Variants in VPS16 observed in about 807,000 individuals in gnomAD.
The protein encoded by VPS16 is VPS16 core subunit of CORVET and HOPS complexes.
A neutral mutation model predicts 116.0 loss-of-function variants in VPS16; 82 were observed. That is an observed-to-expected ratio of 0.71 (90% CI 0.59 to 0.85). VPS16 has a LOEUF of 0.85. Among genes scored for constraint, VPS16 ranks in the 40% least tolerant of loss-of-function variants. The pLI is 0.00. For missense variants in VPS16, 928 were observed against 1,090.6 expected, an observed-to-expected ratio of 0.85 and a Z score of 2.10; for synonymous variants, 406 against 420.7, an observed-to-expected ratio of 0.96 and a Z score of 0.43.
In VPS16 at chr20:2,863,481, C is replaced by T. The variant is rs1221180245; in HGVS notation, c.1476+83C>T. ...GGAGGAAATAGAAAGTGTAGAACTG[C>T]GCTGGGCACGGTGGCTCATGCCTGT... On this transcript the variant is annotated intron_variant, in intron 15 of 23. Coordinates refer to ENST00000380445, the MANE Select transcript of VPS16 (RefSeq NM_022575.4). This position sits in a 1 kb window ranked among gnomAD's most constrained non-coding sequence, Gnocchi z 4.4. 13 of 1,394,840 alleles carry T rather than the reference C, an allele frequency of 9.3e-6. No individual in the cohort carries two copies. The African/African-American group carries it at 9.9e-5, about 11-fold the overall frequency. The allele number at this position is 1,394,840 out of a possible 1,614,324, so 86.4% of individuals were successfully genotyped here. A position where few individuals can be genotyped will look rare whatever the true frequency, so the allele number is the denominator to read the frequency against.
intron 1 of VPS16, among the ~76,000 whole-genome samples, chr20:2,851,896 G>T (rs149416688): frequency 6.6e-6 from 1 of 152,150 alleles, no homozygotes; most frequent in African/African-American, 2.4e-5. Flanking sequence ...GCGTGAAGTC[G>T]GGAGGCGGAG....
intron 1 of VPS16, among the ~76,000 whole-genome samples, chr20:2,842,758 ATC>A (rs1356974433): frequency 1.2e-4 from 18 of 148,732 alleles, no homozygotes; most frequent in African/African-American, 4.3e-4. Flanking sequence ...AGATGTATCT[ATC>A]TATAGATAGA....
intron 1 of VPS16, among the ~76,000 whole-genome samples, chr20:2,853,141 A>T (rs1011630985): frequency 6.6e-6 from 1 of 152,220 alleles, no homozygotes; most frequent in Admixed American, 6.6e-5. Flanking sequence ...TTGTAGTCCC[A>T]GCACTTTAGG....
chr20:2,844,290 A>T (rs997925835), intron 1 of VPS16, among the ~76,000 whole-genome samples: 1 of 152,254 alleles, frequency 6.6e-6, no homozygotes, highest in Non-Finnish European at 1.5e-5. Flanking sequence ...TGAATGAATG[A>T]TAAAACAGGT....
intron 1 of VPS16, among the ~76,000 whole-genome samples, chr20:2,848,596 T>A (rs2089085560): frequency 2.0e-5 from 3 of 152,230 alleles, no homozygotes; most frequent in Admixed American, 2.0e-4. Flanking sequence ...CAATTGGTGC[T>A]ATAACCAAGT....
intron 1 of VPS16, among the ~76,000 whole-genome samples, chr20:2,855,874 T>C (rs1169900346): frequency 6.6e-6 from 1 of 152,210 alleles, no homozygotes; most frequent in Non-Finnish European, 1.5e-5. Context: ...AATGTTGTGA[T>C]CTTATACATA....
chr20:2,854,265 A>ACACACACACAC (rs375390884), intron 1 of VPS16, among the ~76,000 whole-genome samples: 7 of 148,890 alleles, frequency 4.7e-5, no homozygotes, highest in Non-Finnish European at 7.4e-5. Context: ...ACACACACAC[A>ACACACACACAC]AATTTTTTAG....
chr20:2,853,277 G>A (rs1224087352), intron 1 of VPS16, among the ~76,000 whole-genome samples: 1 of 152,100 alleles, frequency 6.6e-6, no homozygotes, highest in African/African-American at 2.4e-5. Flanking sequence ...TGTAATCCCA[G>A]CTACAGGAAG....
chr20:2,859,719 G>A lies in VPS16; in HGVS notation c.54G>A (p.Arg18=). ...TTTCTGCTCATCTCTGTGTGGGCAG[G>A]AAATATGAGCTGTACAGCATGGACT... is the stretch of plus-strand genomic sequence containing the variant. ...WNPLGDSAFY[R]KYELYSMDWD... Residue 18 remains arginine, a splice_region_variant and synonymous_variant, in exon 2 of 24, where the codon CGG becomes CGA. Coordinates refer to ENST00000380445, the MANE Select transcript of VPS16 (RefSeq NM_022575.4). 2 of 1,613,518 alleles carry A rather than the reference G, an allele frequency of 1.2e-6. No individual in the cohort carries two copies. The highest frequency in any genetic ancestry group is 2.2e-5 in the South Asian group (2 of 91,004).
At chr20:2,859,427 A>G (rs1229673006) in intron 1 of VPS16, among the ~76,000 whole-genome samples, 1 of 152,212 alleles carries the variant, frequency 6.6e-6, no homozygotes, top group African/African-American at 2.4e-5. Context: ...GATGTTGGCC[A>G]CGCAGCCTGC....
Position 2,842,844 on chromosome 20 carries a change from C to CGATA in VPS16, c.53+2025_53+2028dup, listed in dbSNP as rs11473958. On this transcript the variant is annotated intron_variant, in intron 1 of 23. Coordinates refer to ENST00000380445, the MANE Select transcript of VPS16 (RefSeq NM_022575.4). ...TAGATAGACATATAGATGTATCTAT[C>CGATA]GATAGATAGATGTATCTATCGATAG... 8.6e-3 allele frequency among the ~76,000 whole-genome samples: 174 copies of CGATA among 20,196 alleles called. 19 individuals carry two copies. Among genetic ancestry groups the CGATA allele is most frequent in the African/African-American group, 0.029 (82 of 2,792 alleles). The allele number at this position is 20,196 out of a possible 152,430, so 13.2% of individuals were successfully genotyped here.
intron 1 of VPS16, among the ~76,000 whole-genome samples, chr20:2,853,292 G>A (rs2089139427): frequency 6.6e-6 from 1 of 152,100 alleles, no homozygotes; most frequent in African/African-American, 2.4e-5. Context: ...AGGAAGCCTA[G>A]GCAGGAGAAT....
In VPS16 at chr20:2,863,362, C is replaced by A. The variant is rs770136462; in HGVS notation, c.1440C>A (p.Gly480=). The A allele has an allele frequency of 6.2e-7, 1 of 1,614,192 alleles. No homozygotes were observed. The highest frequency in any genetic ancestry group is 8.5e-7 in the Non-Finnish European group (1 of 1,180,016). ...ACTTGCGCCTTCCTGAAGTACAGGG[C>A]GTCAGCAGGATCCTGGCCCACTGGG... ...CEYLRLPEVQ[G]VSRILAHWAC... is the part of the protein sequence containing the mutation. The change falls in exon 15 of 24, where the codon GGC becomes GGA. Residue 480 remains glycine, a synonymous_variant. Coordinates refer to ENST00000380445, the MANE Select transcript of VPS16 (RefSeq NM_022575.4). This position sits in a 1 kb window ranked among gnomAD's most constrained non-coding sequence, Gnocchi z 4.4.
chr20:2,842,493 G>T (rs1295273350), intron 1 of VPS16, among the ~76,000 whole-genome samples: 1 of 151,770 alleles, frequency 6.6e-6, no homozygotes, highest in Non-Finnish European at 1.5e-5. Flanking sequence ...TGTAATCCCA[G>T]CTACTTGGGA....
chr20:2,841,166 G>A, intron 1 of VPS16: 1 of 361,716 alleles, frequency 2.8e-6, no homozygotes, highest in Non-Finnish European at 5.1e-6. Context: ...TCAGACCACA[G>A]GGGCGCTCCG....
At chr20:2,841,040 G>A (rs2088965223) in intron 1 of VPS16, 1 of 577,826 alleles carries the variant, frequency 1.7e-6, no homozygotes, top group African/African-American at 1.9e-5. Flanking sequence ...CAAGCACAGT[G>A]GTCACCCCGA....
chr20:2,863,411 G>GA lies in VPS16; in HGVS notation c.1476+14dup. The GA allele has an allele frequency of 6.2e-7, 1 of 1,613,356 alleles. No homozygotes were observed. Among genetic ancestry groups the GA allele is most frequent in the Non-Finnish European group, 8.5e-7 (1 of 1,179,368 alleles). On this transcript the variant is annotated intron_variant, in intron 15 of 23. Transcript: ENST00000380445. The surrounding 1 kb of genome is among the most constrained non-coding windows in gnomAD (Gnocchi z 4.4). ...GGCCTGCTACAAGGCAAGGATGTGG[G>GA]ATGGGGTCCAAGGGCATTTAGAGGA...
In VPS16 at chr20:2,866,704, C is replaced by T. The variant is rs1157530193; in HGVS notation, c.*130C>T. ...AGCGGGGGCATGGTAGCAGGGCTGT[C>T]TGGTTTTAAATAAAGTTGGAACACT... is the stretch of plus-strand genomic sequence containing the variant. On this transcript the variant is annotated 3_prime_UTR_variant, in exon 24 of 24. Transcript: ENST00000380445. The T allele has an allele frequency of 2.2e-6, 3 of 1,385,324 alleles. No homozygotes were observed. The highest frequency in any genetic ancestry group is 2.9e-6 in the Non-Finnish European group (3 of 1,020,732). 85.8% of individuals were successfully genotyped at this position (1,385,324 alleles called of 1,614,324 possible). A position where few individuals can be genotyped will look rare whatever the true frequency, so the allele number is the denominator to read the frequency against.
intron 1 of VPS16, among the ~76,000 whole-genome samples, chr20:2,848,597 A>G (rs560381654): frequency 2.6e-5 from 4 of 152,236 alleles, no homozygotes; most frequent in East Asian, 1.9e-4. Context: ...AATTGGTGCT[A>G]TAACCAAGTT....
Sources: allele counts gnomAD v4.1 joint callset (sites outside exome capture counted in the v4.1 genomes callset), GRCh38; gene constraint gnomAD v4.1.1; non-coding constraint Gnocchi (gnomAD v3.1); transcripts MANE v1.5; gene names NCBI Gene and HGNC (gene_info 2026-07-23, HGNC 2026-07-21).